The following CETP variants were observed in gnomAD, a reference collection of about 807,000 sequenced individuals.
The protein encoded by CETP is BPI fold containing family F.
Under a neutral mutation model 66.5 loss-of-function variants are expected in CETP, and 56 were observed. The observed-to-expected ratio is 0.84, with a 90% CI of 0.68 to 1.05. The LOEUF is 1.05. CETP is among the 50% of genes least tolerant of loss of function. CETP has a pLI of 0.00. For synonymous variants in CETP, 251 were observed against 245.7 expected, an observed-to-expected ratio of 1.02 and a Z score of -0.20; for missense variants, 612 against 609.6, an observed-to-expected ratio of 1.00 and a Z score of -0.04.
chr16:56,982,140 C>T, intron 13 of CETP, 25 bp from the exon 14 acceptor site: 1 of 1,608,602 alleles, frequency 6.2e-7, no homozygotes, highest in Non-Finnish European at 8.5e-7. Context: ...CCAGGGAGGA[C>T]TCACCATGGG....
intron 2 of CETP, among the ~76,000 whole-genome samples, 153 bp from the exon 3 acceptor site, chr16:56,969,233 G>A (rs1322225335): frequency 6.6e-6 from 1 of 152,166 alleles, no homozygotes; most frequent in Admixed American, 6.5e-5. Flanking sequence ...GGTTTGACAT[G>A]TTGGGTAACA....
At chr16:56,969,860 G>C in intron 4 of CETP, 54 bp from the exon 5 acceptor site, 1 of 1,590,882 alleles carries the variant, frequency 6.3e-7, no homozygotes. Flanking sequence ...GGCAGCATGT[G>C]GATACCATCT....
intron 7 of CETP, among the ~76,000 whole-genome samples, 191 bp from the exon 8 acceptor site, chr16:56,971,801 C>T (rs1218292503): frequency 4.6e-5 from 7 of 152,176 alleles, no homozygotes; most frequent in African/African-American, 1.4e-4. Flanking sequence ...AGGGCTCTAC[C>T]TACCCAGACA....
chr16:56,981,780 C>T, intron 13 of CETP, 100 bp downstream of exon 13: 1 of 1,192,646 alleles, frequency 8.4e-7, no homozygotes, highest in Non-Finnish European at 1.2e-6. Flanking sequence ...GCAACCAGAC[C>T]AAAAGAATGT....
chr16:56,974,817 T>C (rs2056138033), intron 9 of CETP, among the ~76,000 whole-genome samples: 1 of 152,134 alleles, frequency 6.6e-6, no homozygotes, highest in Non-Finnish European at 1.5e-5. Flanking sequence ...GCTGTGCTTG[T>C]CATTGAACTC....
At chr16:56,979,026 T>C (rs778552449) in intron 11 of CETP, among the ~76,000 whole-genome samples, 22 of 151,954 alleles carry the variant, frequency 1.4e-4, no homozygotes, top group Non-Finnish European at 2.2e-4. Flanking sequence ...AGGGTTTCGC[T>C]ATGTGGGCCC....
At position 56,978,081 on chromosome 16, in the gene CETP, T is replaced by A. The variant is rs1344922471; in HGVS notation, c.982-10T>A. 6.2e-7 allele frequency: 1 copy of A among 1,613,888 alleles called. No individual in the cohort carries two copies. Among genetic ancestry groups the A allele is most frequent in the East Asian group, 2.2e-5 (1 of 44,884 alleles). ...CCCTGTCCTGGCCATGGGACCCCTG[T>A]CTTCCACAGGTTGTCGGCGGCTTCC... On this transcript the variant is annotated splice_polypyrimidine_tract_variant and intron_variant, in intron 10 of 15. Coordinates refer to ENST00000200676, the MANE Select transcript of CETP (RefSeq NM_000078.3).
chr16:56,982,009 G>A (rs1325705925), intron 13 of CETP, among the ~76,000 whole-genome samples, 156 bp from the exon 14 acceptor site: 2 of 152,174 alleles, frequency 1.3e-5, no homozygotes, highest in South Asian at 4.1e-4. Context: ...GACCACTCAG[G>A]AAGGGCACCG....
At position 56,981,796 on chromosome 16, in the gene CETP, A is replaced by T. The variant is rs371172693; in HGVS notation, c.1248+116A>T. Reference sequence around the variant, plus strand: ...CAACCAGACCAAAAGAATGTGGACCAGGTGGTCCATGCTGTGTCTCTTGTG... The same window carrying T: ...CAACCAGACCAAAAGAATGTGGACCTGGTGGTCCATGCTGTGTCTCTTGTG... On this transcript the variant is annotated intron_variant, in intron 13 of 15. Transcript: ENST00000200676. 8.7e-4 allele frequency: 887 copies of T among 1,018,142 alleles called. 11 individuals carry two copies. In the South Asian group the frequency reaches 0.011, roughly 13 times the overall value. The allele number at this position is 1,018,142 out of a possible 1,614,324, so 63.1% of individuals were successfully genotyped here. A position where few individuals can be genotyped will look rare whatever the true frequency, so the allele number is the denominator to read the frequency against.
chr16:56,973,195 A>G (rs912422055), intron 8 of CETP, 136 bp from the exon 9 acceptor site: 9 of 892,162 alleles, frequency 1.0e-5, no homozygotes, highest in Non-Finnish European at 1.4e-5. Flanking sequence ...GCTGGGGGAA[A>G]CTGGGTACAG....
At chr16:56,970,879 G>C (rs186151134) in intron 5 of CETP, among the ~76,000 whole-genome samples, 154 bp from the exon 6 acceptor site, 2 of 152,196 alleles carry the variant, frequency 1.3e-5, no homozygotes, top group African/African-American at 4.8e-5. Flanking sequence ...CTGAGGCTCC[G>C]TGTTCTCAGC....
At chr16:56,973,722 G>A (rs572095576) in intron 9 of CETP, among the ~76,000 whole-genome samples, 72 of 152,336 alleles carry the variant, frequency 4.7e-4, no homozygotes, top group African/African-American at 1.6e-3. Context: ...AGGACGAACC[G>A]CAGACAAAAC....
At chr16:56,968,574 C>T (rs2056085037) in intron 2 of CETP, among the ~76,000 whole-genome samples, 1 of 152,226 alleles carries the variant, frequency 6.6e-6, no homozygotes, top group African/African-American at 2.4e-5. Flanking sequence ...ATACCATTTA[C>T]ATTTCTAAGA....
intron 5 of CETP, 21 bp downstream of exon 5, chr16:56,970,022 C>T (rs1403133509): frequency 1.2e-6 from 2 of 1,605,880 alleles, no homozygotes; most frequent in South Asian, 1.1e-5. Context: ...CACCCTGTGG[C>T]CCCCATTCCT....
At chr16:56,975,334 A>G (rs531099316) in intron 10 of CETP, among the ~76,000 whole-genome samples, 183 bp downstream of exon 10, 242 of 152,338 alleles carry the variant, frequency 1.6e-3, no homozygotes, top group Non-Finnish European at 2.6e-3. Flanking sequence ...TTCAGTGCTC[A>G]CACCGACCCT....
chr16:56,981,828 C>T, intron 13 of CETP, 148 bp downstream of exon 13: 2 of 790,050 alleles, frequency 2.5e-6, no homozygotes, highest in South Asian at 3.0e-5. Context: ...TGTGACCCTT[C>T]TTCTCCCTGC....
rs1204133324 is a variant in CETP, at chr16:56,971,322, T to C, written c.599T>C (p.Ile200Thr). 5 of 1,614,036 alleles carry C rather than the reference T, an allele frequency of 3.1e-6. No individual in the cohort carries two copies. Among genetic ancestry groups the C allele is most frequent in the Non-Finnish European group, 4.2e-6 (5 of 1,180,024 alleles). The part of the protein sequence containing the change: ...FTLKLVLKGQ[I>T]CKEINVISNI... ...AAGCACCTGCTCTGTCTGCCCCAGATCTGCAAAGAGATCAACGTCATCTCT... is the reference window on the plus strand; with the variant it reads ...AAGCACCTGCTCTGTCTGCCCCAGACCTGCAAAGAGATCAACGTCATCTCT... The change falls in exon 7 of 16, where the codon ATC becomes ACC. Residue 200 changes from isoleucine (I) to threonine (T), a missense_variant and splice_region_variant. Coordinates refer to ENST00000200676, the MANE Select transcript of CETP (RefSeq NM_000078.3).
At chr16:56,971,199 C>A in intron 6 of CETP, 97 bp downstream of exon 6, 1 of 1,510,732 alleles carries the variant, frequency 6.6e-7, no homozygotes, top group Non-Finnish European at 9.2e-7. Context: ...GCCACTCCCA[C>A]CTTCTCCATG....
At chr16:56,968,540 G>A (rs372791788) in intron 2 of CETP, among the ~76,000 whole-genome samples, 2 of 152,030 alleles carry the variant, frequency 1.3e-5, no homozygotes, top group Admixed American at 6.5e-5. Flanking sequence ...ATACTCTTCC[G>A]AATCAATTTT....
Sources: allele counts gnomAD v4.1 joint callset (sites outside exome capture counted in the v4.1 genomes callset), GRCh38; gene constraint gnomAD v4.1.1; transcripts MANE v1.5; gene names NCBI Gene and HGNC (gene_info 2026-07-23, HGNC 2026-07-21).